The following PLCG2 variants were observed in gnomAD, a reference collection of about 807,000 sequenced individuals.
The protein encoded by PLCG2 is 1-phosphatidylinositol 4,5-bisphosphate phosphodiesterase gamma-2.
Under a neutral mutation model 175.6 loss-of-function variants are expected in PLCG2, and 69 were observed. The ratio of observed to expected loss-of-function variants is 0.39; its 90% CI spans 0.32 to 0.48. The LOEUF (loss-of-function observed/expected upper bound fraction) is 0.48. Ranked by LOEUF, PLCG2 falls within the 20% of genes least tolerant of loss-of-function variation. PLCG2 has a pLI of 0.91. For missense variants in PLCG2, 1,798 were observed against 1,650.9 expected (o/e 1.09, Z -1.54); for synonymous variants, 827 against 624.0 (o/e 1.33, Z -4.85).
chr16:81,927,364 G>T (rs892124665), intron 23 of PLCG2, among the ~76,000 whole-genome samples, 186 bp downstream of exon 23: 1 of 152,228 alleles, frequency 6.6e-6, no homozygotes, highest in African/African-American at 2.4e-5. Context: ...GTGAGTTGCT[G>T]TGACAAGCCG....
intron 12 of PLCG2, 109 bp downstream of exon 12, chr16:81,893,903 A>G: frequency 1.5e-6 from 1 of 655,274 alleles, no homozygotes; most frequent in South Asian, 1.7e-5. Flanking sequence ...TGGACACATA[A>G]TAACTGTGCA....
intron 1 of PLCG2, 45 bp from the exon 2 acceptor site, chr16:81,785,898 C>T (rs1910947529): frequency 4.9e-6 from 6 of 1,215,450 alleles, no homozygotes; most frequent in South Asian, 4.2e-5. Context: ...AACTAAACCC[C>T]TTTCAGTACT....
At chr16:81,804,629 G>A (rs1911908269) in intron 2 of PLCG2, among the ~76,000 whole-genome samples, 1 of 152,218 alleles carries the variant, frequency 6.6e-6, no homozygotes, top group African/African-American at 2.4e-5. Flanking sequence ...TTGTCCAAAT[G>A]TTGCGGTGAA....
chr16:81,775,205 C>G (rs1337506603), upstream of PLCG2, among the ~76,000 whole-genome samples: 1 of 152,140 alleles, frequency 6.6e-6, no homozygotes. Context: ...AAAGAGCAGC[C>G]CTGTACCCCT....
At chr16:81,928,192 G>T (rs902618320) in intron 23 of PLCG2, among the ~76,000 whole-genome samples, 1 of 152,102 alleles carries the variant, frequency 6.6e-6, no homozygotes, top group African/African-American at 2.4e-5. Flanking sequence ...GCCACAGAAG[G>T]TTCTTGAGCC....
intron 1 of PLCG2, among the ~76,000 whole-genome samples, chr16:81,752,253 A>C (rs1201117349): frequency 6.6e-6 from 1 of 151,918 alleles, no homozygotes; most frequent in Non-Finnish European, 1.5e-5. Flanking sequence ...GTGTTTTTAG[A>C]ATATCATTGT....
chr16:81,829,518 C>A (rs1905177493), intron 2 of PLCG2, among the ~76,000 whole-genome samples: 1 of 152,204 alleles, frequency 6.6e-6, no homozygotes, highest in Admixed American at 6.5e-5. Flanking sequence ...ACACCCGGCC[C>A]ATTTCTCTGT....
intron 19 of PLCG2, among the ~76,000 whole-genome samples, chr16:81,917,954 C>A (rs1368089445): frequency 6.6e-6 from 1 of 152,186 alleles, no homozygotes; most frequent in Non-Finnish European, 1.5e-5. Context: ...AACTCCTGAC[C>A]TCAAGTGATC....
At chr16:81,786,404 T>A (rs1048804147) in intron 2 of PLCG2, among the ~76,000 whole-genome samples, 1 of 152,214 alleles carries the variant, frequency 6.6e-6, no homozygotes, top group Non-Finnish European at 1.5e-5. Flanking sequence ...GAACTGAAGC[T>A]GAGGTCAGCC....
intron 24 of PLCG2, 120 bp from the exon 25 acceptor site, chr16:81,931,377 T>C (rs1910495891): frequency 2.3e-6 from 2 of 887,668 alleles, no homozygotes; most frequent in East Asian, 2.4e-5. Context: ...CCATCAGTGC[T>C]AACCGTGGTC....
intron 2 of PLCG2, among the ~76,000 whole-genome samples, chr16:81,790,244 C>G (rs937363563): frequency 7.2e-5 from 11 of 152,138 alleles, no homozygotes; most frequent in East Asian, 1.9e-4. Flanking sequence ...GGAGTCCAGC[C>G]TATGTAGTCT....
In PLCG2 at chr16:81,802,093, C is replaced by CT. The variant is rs1157731599; in HGVS notation, c.193+15949dup. Among the ~76,000 whole-genome samples the CT allele has an allele frequency of 8.6e-3, 343 of 40,002 alleles. 126 individuals carry two copies. The highest frequency in any genetic ancestry group is 9.9e-3 in the African/African-American group (106 of 10,686). The allele number at this position is 40,002 out of a possible 152,430, so 26.2% of individuals were successfully genotyped here. A position where few individuals can be genotyped will look rare whatever the true frequency, so the allele number is the denominator to read the frequency against. ...GTTAGCTCCTTCAGGTGAGTACAGT[C>CT]TTTTTTTTTTTTTTTTTTTTTTTTT... On this transcript the variant is annotated intron_variant, in intron 2 of 32. Coordinates refer to ENST00000564138, the MANE Select transcript of PLCG2 (RefSeq NM_002661.5).
intron 19 of PLCG2, 121 bp downstream of exon 19, chr16:81,912,837 C>G: frequency 2.4e-6 from 3 of 1,237,416 alleles, no homozygotes; most frequent in Non-Finnish European, 3.3e-6. Flanking sequence ...CCAGCATCAG[C>G]GACAACAACA....
intron 20 of PLCG2, among the ~76,000 whole-genome samples, chr16:81,920,853 G>T (rs532344563): frequency 2.4e-3 from 367 of 152,342 alleles, no homozygotes; most frequent in African/African-American, 8.5e-3. Context: ...GTTGAACCTG[G>T]AACGTGGAGT....
intron 2 of PLCG2, among the ~76,000 whole-genome samples, chr16:81,808,642 C>T (rs541923192): frequency 4.3e-4 from 65 of 152,184 alleles, no homozygotes; most frequent in Middle Eastern, 6.8e-3. Context: ...TACAGGTGCC[C>T]GCCACCACGC....
rs534615011 is a variant in PLCG2, at chr16:81,788,412, C to G, written c.193+2230C>G. ...TCTCCTGCCTCAGCCTCCCGAGTAG[C>G]TGGGACTACAGGCGCCCGCCACCAC... On this transcript the variant is annotated intron_variant, in intron 2 of 32. Transcript: ENST00000564138. Among the ~76,000 whole-genome samples the G allele has an allele frequency of 4.8e-3, 734 of 152,286 alleles. 4 individuals are homozygous for G. The highest frequency in any genetic ancestry group is 8.0e-3 in the Non-Finnish European group (543 of 68,026).
intron 2 of PLCG2, among the ~76,000 whole-genome samples, chr16:81,797,618 GA>G (rs1214210872): frequency 2.6e-5 from 4 of 152,230 alleles, no homozygotes; most frequent in African/African-American, 9.6e-5. Flanking sequence ...CTGGTTAACA[GA>G]TGAATCAGGA....
intron 2 of PLCG2, among the ~76,000 whole-genome samples, chr16:81,808,011 A>G (rs1198248731): frequency 6.6e-6 from 1 of 152,224 alleles, no homozygotes; most frequent in Non-Finnish European, 1.5e-5. Context: ...GAGGGTTACA[A>G]TTCAACATGA....
chr16:81,941,107 C>G (rs1261784375), intron 30 of PLCG2, among the ~76,000 whole-genome samples: 4 of 152,178 alleles, frequency 2.6e-5, no homozygotes, highest in Non-Finnish European at 5.9e-5. Context: ...CAATGAAGAG[C>G]TGAATTGGAT....
Sources: allele counts gnomAD v4.1 joint callset (sites outside exome capture counted in the v4.1 genomes callset), GRCh38; gene constraint gnomAD v4.1.1; transcripts MANE v1.5; gene names NCBI Gene and HGNC (gene_info 2026-07-23, HGNC 2026-07-21).